The following TMEM108 variants were observed in gnomAD, a reference collection of about 807,000 sequenced individuals.
TMEM108 encodes transmembrane protein 108, also known as cancer/testis antigen 124.
In TMEM108, 12 loss-of-function variants were observed where a neutral mutation model predicts 35.1. That is an observed-to-expected ratio of 0.34 (90% CI 0.22 to 0.55). TMEM108 has a LOEUF of 0.55. TMEM108 is among the 20% of genes least tolerant of loss of function. TMEM108 has a pLI of 0.89. For synonymous variants in TMEM108, 287 were observed against 308.6 expected (o/e 0.93, Z 0.73); for missense variants, 680 against 753.3 (o/e 0.90, Z 1.14).
At chr3:133,267,461 A>T (rs1458050270) in intron 3 of TMEM108, among the ~76,000 whole-genome samples, 3 of 152,232 alleles carry the variant, frequency 2.0e-5, no homozygotes, top group Admixed American at 6.5e-5. Context: ...ATCCTAGATG[A>T]AAGATATCCC....
chr3:133,117,521 G>A (rs1476347779), intron 2 of TMEM108, among the ~76,000 whole-genome samples: 1 of 152,186 alleles, frequency 6.6e-6, no homozygotes, highest in African/African-American at 2.4e-5. Flanking sequence ...TGCATTAGGA[G>A]CTGAAAATTA....
At chr3:133,314,979 C>T (rs1272082456) in intron 3 of TMEM108, among the ~76,000 whole-genome samples, 1 of 152,178 alleles carries the variant, frequency 6.6e-6, no homozygotes, top group East Asian at 1.9e-4. Context: ...GCATCACCAT[C>T]CACTGACTGT....
At chr3:133,175,171 C>A (rs1235829971) in intron 2 of TMEM108, among the ~76,000 whole-genome samples, 2 of 152,112 alleles carry the variant, frequency 1.3e-5, no homozygotes, top group Admixed American at 6.5e-5. Flanking sequence ...AAATATGGGA[C>A]TATGTGAACA....
intron 2 of TMEM108, among the ~76,000 whole-genome samples, chr3:133,214,943 C>G (rs1945885191): frequency 6.6e-6 from 1 of 152,124 alleles, no homozygotes; most frequent in Non-Finnish European, 1.5e-5. Flanking sequence ...TCCCCCACCC[C>G]AGGTCTGTAG....
intron 3 of TMEM108, among the ~76,000 whole-genome samples, chr3:133,230,079 TA>T (rs1946130353): frequency 6.6e-6 from 1 of 152,226 alleles, no homozygotes; most frequent in Non-Finnish European, 1.5e-5. Flanking sequence ...CAATAGGCAT[TA>T]CCCGCTCCAG....
At chr3:133,078,029 G>C (rs1010166857) in intron 2 of TMEM108, among the ~76,000 whole-genome samples, 14 of 152,214 alleles carry the variant, frequency 9.2e-5, no homozygotes, top group Admixed American at 7.2e-4. Context: ...TTTGAGGATA[G>C]AGAACTCCCT....
chr3:133,077,833 A>G (rs1415453480), intron 2 of TMEM108, among the ~76,000 whole-genome samples: 1 of 152,026 alleles, frequency 6.6e-6, no homozygotes, highest in Non-Finnish European at 1.5e-5. Context: ...TATAGAGTAA[A>G]TAGGTACTTG....
chr3:133,167,697 G>T (rs976557041), intron 2 of TMEM108, among the ~76,000 whole-genome samples: 1 of 152,148 alleles, frequency 6.6e-6, no homozygotes, highest in Non-Finnish European at 1.5e-5. Flanking sequence ...TGTGGGGCCC[G>T]CCGAGCCCAC....
chr3:133,306,770 A>G (rs1287148301), intron 3 of TMEM108, among the ~76,000 whole-genome samples: 2 of 152,064 alleles, frequency 1.3e-5, no homozygotes, highest in Non-Finnish European at 2.9e-5. Flanking sequence ...TCTATCATTG[A>G]TGGACGTTTG....
chr3:133,294,935 T>C (rs1474288347), intron 3 of TMEM108, among the ~76,000 whole-genome samples: 1 of 152,216 alleles, frequency 6.6e-6, no homozygotes, highest in East Asian at 1.9e-4. Context: ...TTGCCTGAAA[T>C]CAAATTTCAC....
intron 2 of TMEM108, among the ~76,000 whole-genome samples, chr3:133,186,527 A>G (rs976797179): frequency 2.0e-5 from 3 of 152,226 alleles, no homozygotes; most frequent in African/African-American, 7.2e-5. Context: ...AGGCTTAGGA[A>G]TCAAAACCCA....
chr3:133,332,351 AC>A (rs1470963336), intron 3 of TMEM108, among the ~76,000 whole-genome samples: 39 of 152,172 alleles, frequency 2.6e-4, no homozygotes, highest in African/African-American at 9.4e-4. Flanking sequence ...TGGAACAGCC[AC>A]TCCTCATATT....
intron 2 of TMEM108, among the ~76,000 whole-genome samples, chr3:133,086,123 G>A (rs556213209): frequency 3.0e-4 from 45 of 152,284 alleles, no homozygotes; most frequent in African/African-American, 1.0e-3. Context: ...AGTGGTGAAA[G>A]GGATGGCATC....
intron 3 of TMEM108, among the ~76,000 whole-genome samples, chr3:133,368,407 G>C (rs2072561308): frequency 6.6e-6 from 1 of 152,316 alleles, no homozygotes; most frequent in Admixed American, 6.5e-5. Context: ...CCATCCTTTA[G>C]AACTCTGGAG....
At chr3:133,179,662 G>A (rs542884114) in intron 2 of TMEM108, among the ~76,000 whole-genome samples, 6 of 152,026 alleles carry the variant, frequency 3.9e-5, no homozygotes, top group African/African-American at 1.4e-4. Context: ...GTTGTGGGGT[G>A]GGGGGAGTGG....
At chr3:133,387,922 C>T (rs1179503412) in intron 4 of TMEM108, 1 of 985,298 alleles carries the variant, frequency 1.0e-6, no homozygotes, top group African/African-American at 1.7e-5. Flanking sequence ...AGATCAGAGG[C>T]ACAAATATCT....
intron 2 of TMEM108, among the ~76,000 whole-genome samples, chr3:133,116,773 C>A (rs987793326): frequency 2.0e-5 from 3 of 152,092 alleles, no homozygotes; most frequent in Non-Finnish European, 2.9e-5. Context: ...GATTTATCTG[C>A]ATTTATTTAT....
At chr3:133,117,021 C>T (rs183706529) in intron 2 of TMEM108, among the ~76,000 whole-genome samples, 40 of 152,326 alleles carry the variant, frequency 2.6e-4, no homozygotes, top group Non-Finnish European at 4.9e-4. Flanking sequence ...CCACCCACCT[C>T]GGCCTTCCAA....
intron 2 of TMEM108, among the ~76,000 whole-genome samples, chr3:133,199,643 TG>T (rs1247764198): frequency 6.6e-6 from 1 of 152,282 alleles, no homozygotes; most frequent in Non-Finnish European, 1.5e-5. Flanking sequence ...ATCGTTCCTC[TG>T]GAAGCTTCGT....
Sources: allele counts gnomAD v4.1 joint callset (sites outside exome capture counted in the v4.1 genomes callset), GRCh38; gene constraint gnomAD v4.1.1; transcripts MANE v1.5; gene names NCBI Gene and HGNC (gene_info 2026-07-23, HGNC 2026-07-21).